SVIL: variants seen among roughly 807,000 people sequenced by gnomAD.
The protein encoded by SVIL is supervillin, also known as archvillin.
Under a neutral mutation model 240.4 loss-of-function variants are expected in SVIL, and 101 were observed. The observed-to-expected ratio is 0.42, with a 90% CI of 0.36 to 0.50. The LOEUF is 0.50. Among genes scored for constraint, SVIL ranks in the 20% least tolerant of loss-of-function variants. The pLI is 0.01. For synonymous variants in SVIL, 999 were observed against 1,100.0 expected (o/e 0.91, Z 1.82); for missense variants, 2,512 against 2,818.7 (o/e 0.89, Z 2.46).
intron 13 of SVIL, among the ~76,000 whole-genome samples, chr10:29,526,194 T>G (rs1429605880): frequency 6.6e-6 from 1 of 152,184 alleles, no homozygotes; most frequent in African/African-American, 2.4e-5. Flanking sequence ...AGGATTGTTT[T>G]CAGTCTGTAT....
chr10:29,547,573 T>G (rs1488500834), intron 6 of SVIL, among the ~76,000 whole-genome samples: 2 of 152,314 alleles, frequency 1.3e-5, no homozygotes, highest in Non-Finnish European at 1.5e-5. Flanking sequence ...GGCCTAAATA[T>G]GTCAACAATG....
intron 17 of SVIL, among the ~76,000 whole-genome samples, chr10:29,511,140 T>TTTTG (rs1184246103): frequency 7.0e-4 from 93 of 132,008 alleles, no homozygotes; most frequent in African/African-American, 2.7e-3. Context: ...GTCACTGGAT[T>TTTTG]ATCAACCCCA....
In SVIL at chr10:29,690,011, T is replaced by C. The variant is rs537169561; in HGVS notation, c.-399-3360A>G. Among the ~76,000 whole-genome samples, 257 of 152,310 alleles carry C rather than the reference T, an allele frequency of 1.7e-3. 1 individual carries two copies. The highest frequency in any genetic ancestry group is 1.9e-3 in the Non-Finnish European group (130 of 68,022). On this transcript the variant is annotated intron_variant, in intron 1 of 35. Coordinates refer to the SVIL transcript ENST00000375400. ...GAAAAATCTAACGTTGGTGACAAGA[T>C]AGAACTTTCTACAGTGATTTTAGTA...
Position 29,550,019 on chromosome 10 carries a change from T to TA in SVIL, c.827+577dup, listed in dbSNP as rs11339067. Among the ~76,000 whole-genome samples the TA allele has an allele frequency of 6.3e-3, 445 of 70,234 alleles. 4 individuals carry two copies. The highest frequency in any genetic ancestry group is 0.014 in the African/African-American group (272 of 19,048). The allele number at this position is 70,234 out of a possible 152,430, so 46.1% of individuals were successfully genotyped here. A position where few individuals can be genotyped will look rare whatever the true frequency, so the allele number is the denominator to read the frequency against. On this transcript the variant is annotated intron_variant, in intron 6 of 37. Coordinates refer to ENST00000355867, the MANE Select transcript of SVIL (RefSeq NM_021738.3). Reference sequence around the variant, plus strand: ...CACATGTACCCTAAAACTTAAAGTATAAAAAAAAAAAAAAAAAAGAATTAC... The same window carrying TA: ...CACATGTACCCTAAAACTTAAAGTATAAAAAAAAAAAAAAAAAAAGAATTAC...
At chr10:29,517,757 A>G (rs865817184) in intron 16 of SVIL, among the ~76,000 whole-genome samples, 1 of 152,230 alleles carries the variant, frequency 6.6e-6, no homozygotes, top group African/African-American at 2.4e-5. Context: ...CAATTTGCCA[A>G]AGTGAAAGGA....
chr10:29,704,098 T>C (rs1787110105), intron 1 of SVIL, among the ~76,000 whole-genome samples: 10 of 152,168 alleles, frequency 6.6e-5, no homozygotes, highest in Admixed American at 6.5e-4. Context: ...CCACTGTGCC[T>C]AGCCTCAGGT....
intron 2 of SVIL, among the ~76,000 whole-genome samples, chr10:29,568,011 C>T (rs970567953): frequency 1.1e-3 from 152 of 138,604 alleles, no homozygotes; most frequent in Non-Finnish European, 2.0e-3. Context: ...AGAGAGACTC[C>T]GTCTCAAAAA....
At chr10:29,492,530 A>C (rs1948068959) in intron 21 of SVIL, among the ~76,000 whole-genome samples, 1 of 151,988 alleles carries the variant, frequency 6.6e-6, no homozygotes, top group Non-Finnish European at 1.5e-5. Context: ...TGAGCCGGCA[A>C]ACCCCTCCGC....
chr10:29,651,109 C>G (rs2133010217), intron 3 of SVIL, among the ~76,000 whole-genome samples: 1 of 152,270 alleles, frequency 6.6e-6, no homozygotes, highest in South Asian at 2.1e-4. Context: ...TGGCACTCTT[C>G]TCCGAACCCC....
At chr10:29,531,341 G>T (rs572928608) in intron 9 of SVIL, 53 bp from the exon 10 acceptor site, 13 of 1,513,104 alleles carry the variant, frequency 8.6e-6, no homozygotes, top group Admixed American at 1.8e-5. Flanking sequence ...GGGAGCAGAA[G>T]ATCGAAATAA....
At chr10:29,629,176 C>G (rs1398120101) in intron 1 of SVIL, among the ~76,000 whole-genome samples, 1 of 151,894 alleles carries the variant, frequency 6.6e-6, no homozygotes, top group Non-Finnish European at 1.5e-5. Context: ...AAGGAGAAGC[C>G]AGGAGAAGAG....
intron 10 of SVIL, 37 bp from the exon 11 acceptor site, chr10:29,530,705 A>G (rs1392435805): frequency 7.4e-6 from 12 of 1,613,274 alleles, no homozygotes; most frequent in Non-Finnish European, 7.6e-6. Context: ...GGACATCATT[A>G]GAGAAGGTTA....
At chr10:29,548,827 G>A (rs1378236312) in intron 6 of SVIL, among the ~76,000 whole-genome samples, 2 of 152,190 alleles carry the variant, frequency 1.3e-5, no homozygotes, top group East Asian at 3.8e-4. Context: ...CAGAAAAGCG[G>A]CGAAAAGATA....
intron 22 of SVIL, among the ~76,000 whole-genome samples, chr10:29,490,361 G>A (rs942893486): frequency 2.0e-5 from 3 of 151,716 alleles, no homozygotes; most frequent in African/African-American, 7.3e-5. Flanking sequence ...AAGAATGATT[G>A]TGTGTTCAGG....
chr10:29,675,483 T>TAAAAC (rs905378557), intron 2 of SVIL, among the ~76,000 whole-genome samples: 9 of 152,072 alleles, frequency 5.9e-5, no homozygotes, highest in Non-Finnish European at 7.4e-5. Context: ...CAATTGTCTC[T>TAAAAC]AAAACAAAAC....
chr10:29,584,112 G>A (rs1956060698), intron 1 of SVIL, among the ~76,000 whole-genome samples: 1 of 152,210 alleles, frequency 6.6e-6, no homozygotes, highest in Non-Finnish European at 1.5e-5. Context: ...GCTTACTTGT[G>A]GAGGAGATGA....
intron 1 of SVIL, among the ~76,000 whole-genome samples, chr10:29,632,948 C>T (rs1026371535): frequency 3.9e-5 from 6 of 152,098 alleles, no homozygotes; most frequent in African/African-American, 1.4e-4. Context: ...AAGACATCAC[C>T]GGGTGCCGGG....
chr10:29,589,309 C>T (rs1956295432), intron 1 of SVIL, among the ~76,000 whole-genome samples: 2 of 152,168 alleles, frequency 1.3e-5, no homozygotes, highest in Admixed American at 1.3e-4. Flanking sequence ...CCTTTGTCTC[C>T]TCTAACTTAG....
intron 1 of SVIL, among the ~76,000 whole-genome samples, chr10:29,722,219 T>A: frequency 7.1e-6 from 1 of 140,498 alleles, no homozygotes. Context: ...TGAGACTCTG[T>A]CTTAAAAAAA....
Sources: gnomAD v4.1 joint callset for allele counts (sites outside exome capture counted in the v4.1 genomes callset) on GRCh38, gnomAD v4.1.1 for gene constraint, MANE v1.5 for transcripts, NCBI Gene and HGNC (gene_info 2026-07-23, HGNC 2026-07-21) for gene names.